APBA2: variants seen among roughly 807,000 people sequenced by gnomAD.
APBA2 encodes amyloid-beta A4 precursor protein-binding family A member 2.
In APBA2, 30 loss-of-function variants were observed where a neutral mutation model predicts 75.0. The observed-to-expected ratio is 0.40, with a 90% CI of 0.30 to 0.54. APBA2 has a LOEUF of 0.54. Ranked by LOEUF, APBA2 falls within the 20% of genes least tolerant of loss-of-function variation. The pLI is 0.49. For synonymous variants in APBA2, 444 were observed against 409.6 expected (o/e 1.08, Z -1.01); for missense variants, 801 against 1,016.1 (o/e 0.79, Z 2.88).
chr15:29,078,639 A>AC (rs374662311), intron 6 of APBA2, among the ~76,000 whole-genome samples: 9 of 149,056 alleles, frequency 6.0e-5, no homozygotes, highest in African/African-American at 2.2e-4. Flanking sequence ...ACAAAAAACA[A>AC]AAAAAAAAAG....
intron 4 of APBA2, among the ~76,000 whole-genome samples, chr15:29,055,808 G>A (rs2041859576): frequency 6.6e-6 from 1 of 151,668 alleles, no homozygotes; most frequent in Non-Finnish European, 1.5e-5. Context: ...TTAATGTCTT[G>A]TATTCTCTCT....
chr15:29,036,251 AT>A (rs11337080), intron 3 of APBA2, among the ~76,000 whole-genome samples: 74,125 of 151,868 alleles, frequency 0.49, 18,832 homozygotes, highest in Middle Eastern at 0.57. Context: ...TTAAAAAACT[AT>A]TTTTTTTAAC....
intron 2 of APBA2, among the ~76,000 whole-genome samples, chr15:28,943,895 G>C (rs2035383589): frequency 6.6e-6 from 1 of 152,168 alleles, no homozygotes; most frequent in Admixed American, 6.5e-5. Flanking sequence ...GGATCCCAGA[G>C]GGCCCCCTTT....
chr15:29,084,528 G>A (rs956039639), intron 6 of APBA2, among the ~76,000 whole-genome samples: 2 of 152,050 alleles, frequency 1.3e-5, no homozygotes, highest in East Asian at 1.9e-4. Context: ...ATTTCATATT[G>A]TATCTCTAAA....
chr15:28,985,305 C>G (rs900793632), intron 2 of APBA2, among the ~76,000 whole-genome samples: 4 of 152,170 alleles, frequency 2.6e-5, no homozygotes, highest in Admixed American at 2.6e-4. Flanking sequence ...TCCAGCACCC[C>G]ACACGCCCCT....
intron 6 of APBA2, among the ~76,000 whole-genome samples, chr15:29,079,200 G>A (rs915439965): frequency 1.3e-5 from 2 of 151,974 alleles, no homozygotes; most frequent in African/African-American, 4.8e-5. Context: ...GACCAGATGG[G>A]TTCCACATGC....
intron 2 of APBA2, among the ~76,000 whole-genome samples, chr15:28,960,371 GA>G (rs2036401980): frequency 6.6e-6 from 1 of 151,832 alleles, no homozygotes; most frequent in African/African-American, 2.4e-5. Flanking sequence ...GCTGAGGCAG[GA>G]GGATTGCCTG....
At chr15:29,025,220 C>A (rs1396916720) in intron 3 of APBA2, among the ~76,000 whole-genome samples, 1 of 150,876 alleles carries the variant, frequency 6.6e-6, no homozygotes, top group Admixed American at 6.6e-5. Context: ...GCACCAGGTT[C>A]AAGGCTGAAG....
intron 2 of APBA2, among the ~76,000 whole-genome samples, chr15:28,928,852 G>A (rs2034416856): frequency 6.6e-6 from 1 of 152,144 alleles, no homozygotes; most frequent in Non-Finnish European, 1.5e-5. Flanking sequence ...GTGGCTTCTA[G>A]GAGTTTCTCA....
chr15:28,961,822 T>A (rs1214738099), intron 2 of APBA2, among the ~76,000 whole-genome samples: 3 of 152,212 alleles, frequency 2.0e-5, no homozygotes, highest in Non-Finnish European at 4.4e-5. Flanking sequence ...GTCTCGGGTA[T>A]AGATCCCGGA....
At chr15:28,892,690 T>C (rs1407554862) in intron 1 of APBA2, among the ~76,000 whole-genome samples, 1 of 152,034 alleles carries the variant, frequency 6.6e-6, no homozygotes, top group East Asian at 1.9e-4. Flanking sequence ...TATGTATGTG[T>C]ATATATATAT....
intron 3 of APBA2, among the ~76,000 whole-genome samples, chr15:29,008,690 C>G (rs1287644665): frequency 6.6e-6 from 1 of 152,102 alleles, no homozygotes. Flanking sequence ...GCCTAGGTAA[C>G]AGAGCGAGAT....
chr15:29,114,080 T>C, intron 14 of APBA2, 64 bp downstream of exon 14: 1 of 1,609,804 alleles, frequency 6.2e-7, no homozygotes. Context: ...CTGCCCTCCA[T>C]GAGCCTCCCC....
At chr15:29,063,689 C>T (rs191177245) in intron 4 of APBA2, among the ~76,000 whole-genome samples, 15 of 133,318 alleles carry the variant, frequency 1.1e-4, no homozygotes, top group Admixed American at 2.4e-4. Context: ...ATGGATGGTG[C>T]GGGGCATGGA....
At chr15:29,115,180 G>C (rs1430747917) in intron 14 of APBA2, among the ~76,000 whole-genome samples, 1 of 151,114 alleles carries the variant, frequency 6.6e-6, no homozygotes, top group African/African-American at 2.4e-5. Flanking sequence ...GCAGCAGGCC[G>C]GGCCGTCTGT....
intron 4 of APBA2, among the ~76,000 whole-genome samples, chr15:29,065,004 A>AGT (rs35524060): frequency 0.039 from 5,737 of 148,656 alleles, 135 homozygotes; most frequent in African/African-American, 0.074. Flanking sequence ...AGGTGCTCAT[A>AGT]GTGTGTGTGT....
intron 2 of APBA2, among the ~76,000 whole-genome samples, chr15:28,933,502 A>G (rs182027250): frequency 3.6e-4 from 55 of 152,284 alleles, no homozygotes; most frequent in Non-Finnish European, 6.9e-4. Flanking sequence ...GTATTTTGTG[A>G]GAGTACCCTG....
chr15:29,058,550 TAAG>T (rs1370578116), intron 4 of APBA2, among the ~76,000 whole-genome samples: 5 of 151,684 alleles, frequency 3.3e-5, no homozygotes, highest in African/African-American at 4.8e-5. Context: ...GTGCCTGTAC[TAAG>T]AAGTAGGTTG....
At chr15:28,931,578 G>A (rs574754391) in intron 2 of APBA2, among the ~76,000 whole-genome samples, 2 of 152,250 alleles carry the variant, frequency 1.3e-5, no homozygotes, top group South Asian at 2.1e-4. Context: ...GGGTCCAGCC[G>A]GGGAAGCATC....
Sources: gnomAD v4.1 joint callset for allele counts (sites outside exome capture counted in the v4.1 genomes callset) on GRCh38, gnomAD v4.1.1 for gene constraint, MANE v1.5 for transcripts, NCBI Gene and HGNC (gene_info 2026-07-23, HGNC 2026-07-21) for gene names.